ALG12: variants seen among roughly 807,000 people sequenced by gnomAD.
ALG12 encodes dol-P-Man:Man(7)GlcNAc(2)-PP-Dol alpha-1,6-mannosyltransferase.
ALG12 carries 36 observed loss-of-function variants against 46.0 expected under a neutral mutation model. The ratio of observed to expected loss-of-function variants is 0.78; its 90% CI spans 0.60 to 1.03. The LOEUF is 1.03. Ranked by LOEUF, ALG12 falls within the 50% of genes least tolerant of loss-of-function variation. ALG12 has a pLI of 0.00. For synonymous variants in ALG12, 326 were observed against 291.6 expected (o/e 1.12, Z -1.20); for missense variants, 599 against 633.5 (o/e 0.95, Z 0.58).
chr22:49,901,932 T>C lies in ALG12; in HGVS notation c.*1906A>G, dbSNP rs893272339. 1 of 139,452 alleles carries C rather than the reference T, an allele frequency of 7.2e-6. No individual in the cohort carries two copies. The highest frequency in any genetic ancestry group is 1.5e-5 in the Non-Finnish European group (1 of 65,012). The allele number at this position is 139,452 out of a possible 1,614,324, so 8.6% of individuals were successfully genotyped here. On this transcript the variant is annotated 3_prime_UTR_variant, in exon 10 of 10. Transcript: ENST00000330817. ...TGGTAATGTGCACGCATGCACTGTG[T>C]GTATGCACGGTAATGTGCACGTGTG...
chr22:49,881,782 C>T, the ALG12 span, among the ~76,000 whole-genome samples: 3 of 152,186 alleles, frequency 2.0e-5, no homozygotes, highest in Non-Finnish European at 4.4e-5. Flanking sequence ...ATCCTCCCAC[C>T]TCAGCCTCCC....
rs779888121 is a variant in ALG12, at chr22:49,913,633, G to T, written c.133C>A (p.Leu45Met). Reference sequence around the variant, plus strand: ...TCCAGGTCTTGCCAGTGGTAGAGCAGGTCATGTGTGGCCTGCAGGTTGAAG... The same window carrying T: ...TCCAGGTCTTGCCAGTGGTAGAGCATGTCATGTGTGGCCTGCAGGTTGAAG... ...ESFNLQATHD[L>M]LYHWQDLEQY... The change falls in exon 2 of 10, where the codon CTG becomes ATG. Residue 45 changes from leucine to methionine, a missense_variant. Transcript: ENST00000330817. 2 of 1,614,162 alleles carry T rather than the reference G, an allele frequency of 1.2e-6. No homozygotes were observed. Among genetic ancestry groups the T allele is most frequent in the Admixed American group, 1.7e-5 (1 of 60,028 alleles).
chr22:49,871,036 G>T, the ALG12 span, among the ~76,000 whole-genome samples: 1 of 151,160 alleles, frequency 6.6e-6, no homozygotes, highest in Admixed American at 6.6e-5. Context: ...CATCTCCAGG[G>T]TTCAAGCAAT....
the ALG12 span, among the ~76,000 whole-genome samples, chr22:49,867,657 C>T: frequency 6.6e-6 from 1 of 152,332 alleles, no homozygotes; most frequent in South Asian, 2.1e-4. Context: ...TACCTGTTGG[C>T]TACTTGGGGA....
downstream of ALG12, among the ~76,000 whole-genome samples, chr22:49,897,746 C>T (rs2060489208): frequency 6.8e-6 from 1 of 146,098 alleles, no homozygotes; most frequent in Admixed American, 7.0e-5. Flanking sequence ...TGGCTCACTG[C>T]ATGGGTTCAT....
chr22:49,887,156 C>G, the ALG12 span: 1 of 1,611,474 alleles, frequency 6.2e-7, no homozygotes, highest in Non-Finnish European at 8.5e-7. Flanking sequence ...GTGAATCTTC[C>G]CTTAATATAC....
intron 7 of ALG12, among the ~76,000 whole-genome samples, chr22:49,907,514 TG>T (rs1193189461): frequency 6.6e-6 from 1 of 152,192 alleles, no homozygotes; most frequent in African/African-American, 2.4e-5. Context: ...GGCTCACACC[TG>T]CAATCCCAGC....
the ALG12 span, among the ~76,000 whole-genome samples, chr22:49,863,024 G>C: frequency 1.3e-5 from 2 of 152,018 alleles, no homozygotes; most frequent in Non-Finnish European, 2.9e-5. Flanking sequence ...TGAATCTACA[G>C]GTTACATTAT....
At chr22:49,874,474 C>T in the ALG12 span, among the ~76,000 whole-genome samples, 1 of 151,242 alleles carries the variant, frequency 6.6e-6, no homozygotes, top group African/African-American at 2.4e-5. Flanking sequence ...CAACTTCTGC[C>T]TCCCAGGTTC....
intron 1 of ALG12, among the ~76,000 whole-genome samples, 167 bp from the exon 2 acceptor site, chr22:49,914,010 G>A (rs1336525931): frequency 6.6e-6 from 1 of 152,184 alleles, no homozygotes; most frequent in Non-Finnish European, 1.5e-5. Context: ...AATCACACTT[G>A]AGAATCTTTC....
At chr22:49,891,775 A>T in the ALG12 span, among the ~76,000 whole-genome samples, 2 of 152,228 alleles carry the variant, frequency 1.3e-5, no homozygotes, top group Non-Finnish European at 2.9e-5. Context: ...TTGGAGCAAA[A>T]GAATTTTGAA....
At chr22:49,881,349 A>G in the ALG12 span, among the ~76,000 whole-genome samples, 1 of 152,238 alleles carries the variant, frequency 6.6e-6, no homozygotes, top group Admixed American at 6.5e-5. Flanking sequence ...ATCCGTCTCA[A>G]AAAAATTTGT....
At chr22:49,879,640 C>T in the ALG12 span, among the ~76,000 whole-genome samples, 3 of 124,094 alleles carry the variant, frequency 2.4e-5, no homozygotes, top group African/African-American at 8.3e-5. Context: ...AGTGTCTGGG[C>T]GTGTTTCTAT....
At chr22:49,898,381 CTT>C (rs1369434004), downstream of ALG12, among the ~76,000 whole-genome samples, 36 of 151,598 alleles carry the variant, frequency 2.4e-4, no homozygotes, top group Non-Finnish European at 4.3e-4. Flanking sequence ...TTCTTATTCT[CTT>C]GAGTGATTTT....
At position 49,900,584 on chromosome 22, in the gene ALG12, C is replaced by G. The variant is rs1298772262; in HGVS notation, c.*3254G>C. 1.3e-5 allele frequency: 2 copies of G among 152,230 alleles called. No individual in the cohort carries two copies. The highest frequency in any genetic ancestry group is 4.8e-5 in the African/African-American group (2 of 41,434). 9.4% of individuals were successfully genotyped at this position (152,230 alleles called of 1,614,324 possible). A position where few individuals can be genotyped will look rare whatever the true frequency, so the allele number is the denominator to read the frequency against. ...GGCAGGGAGTGAACTGCACACAATC[C>G]CGACCTCTTCATGGTGGGTTTGTTT... On this transcript the variant is annotated 3_prime_UTR_variant, in exon 10 of 10. Coordinates refer to ENST00000330817, the MANE Select transcript of ALG12 (RefSeq NM_024105.4).
chr22:49,895,834 A>G (rs145177729), downstream of ALG12, among the ~76,000 whole-genome samples: 1 of 150,100 alleles, frequency 6.7e-6, no homozygotes, highest in African/African-American at 2.5e-5. Flanking sequence ...GTGGATTTTA[A>G]TTGAGTAGGA....
downstream of ALG12, among the ~76,000 whole-genome samples, chr22:49,895,806 C>A (rs1379410549): frequency 6.6e-6 from 1 of 152,144 alleles, no homozygotes. Flanking sequence ...AAAGAATTGC[C>A]TTCTACTTAT....
chr22:49,872,866 T>G, the ALG12 span, among the ~76,000 whole-genome samples: 1 of 152,002 alleles, frequency 6.6e-6, no homozygotes, highest in Non-Finnish European at 1.5e-5. Flanking sequence ...CCGGCTAATT[T>G]TTTTGTATTT....
At chr22:49,916,493 T>C (rs756598755) in intron 1 of ALG12, among the ~76,000 whole-genome samples, 19 of 152,138 alleles carry the variant, frequency 1.2e-4, no homozygotes, top group African/African-American at 2.7e-4. Context: ...AGGAGGAGAA[T>C]TGCTTGAACT....
Sources: gnomAD v4.1 joint callset for allele counts (sites outside exome capture counted in the v4.1 genomes callset) on GRCh38, gnomAD v4.1.1 for gene constraint, MANE v1.5 for transcripts, NCBI Gene and HGNC (gene_info 2026-07-23, HGNC 2026-07-21) for gene names.